The following WASHC4 variants were observed in gnomAD, a reference collection of about 807,000 sequenced individuals.
WASHC4 encodes WASH complex subunit 7.
Under a neutral mutation model 166.6 loss-of-function variants are expected in WASHC4, and 86 were observed. That is an observed-to-expected ratio of 0.52 (90% confidence interval 0.43 to 0.62). The LOEUF (loss-of-function observed/expected upper bound fraction) is 0.62, where lower values mean the gene tolerates loss of function less well. WASHC4 is among the 20% of genes least tolerant of loss of function. WASHC4 has a pLI of 0.00. For synonymous variants in WASHC4, 446 were observed against 451.6 expected (o/e 0.99, Z 0.16); for missense variants, 1,262 against 1,382.4 (o/e 0.91, Z 1.38).
chr12:105,125,869 C>A, intron 10 of WASHC4, 135 bp from the exon 11 acceptor site: 1 of 811,218 alleles, frequency 1.2e-6, no homozygotes, highest in South Asian at 1.7e-5. Context: ...GATTAAGAAC[C>A]TGAGCTTTAG....
At chr12:105,140,647 G>C (rs1410876522) in intron 16 of WASHC4, among the ~76,000 whole-genome samples, 2 of 152,116 alleles carry the variant, frequency 1.3e-5, no homozygotes, top group African/African-American at 4.8e-5. Flanking sequence ...TGAAATTGAT[G>C]CATCATTTAA....
intron 22 of WASHC4, among the ~76,000 whole-genome samples, chr12:105,145,920 T>C (rs1027739908): frequency 6.6e-6 from 1 of 152,058 alleles, no homozygotes; most frequent in Non-Finnish European, 1.5e-5. Context: ...CTTTCTAAAG[T>C]CCCAAGGCCC....
rs761132139 is a variant in WASHC4, at chr12:105,138,010, A to G, written c.1451A>G (p.Lys484Arg). 1 of 1,611,264 alleles carries G rather than the reference A, an allele frequency of 6.2e-7. No individual in the cohort carries two copies. Among genetic ancestry groups the G allele is most frequent in the Admixed American group, 1.7e-5 (1 of 59,710 alleles). ...TTGTGCAGGCTTGTTGAACTTCTCA[A>G]GGTAGGTTTTAGATTATTTTACTGC... ...KALCRLVELL[K>R]AIEHMFYRRS... Residue 484 changes from lysine to arginine, a missense_variant and splice_region_variant, in exon 15 of 33, where the codon AAG becomes AGG. Physicochemically the swap from Lys to Arg is conservative, Grantham distance 26. Coordinates refer to ENST00000332180, the MANE Select transcript of WASHC4 (RefSeq NM_015275.3).
chr12:105,116,459 A>G (rs532892089), intron 6 of WASHC4, among the ~76,000 whole-genome samples: 2 of 152,246 alleles, frequency 1.3e-5, no homozygotes, highest in African/African-American at 2.4e-5. Context: ...TCCTGTCTAG[A>G]AAACTCCATA....
intron 13 of WASHC4, among the ~76,000 whole-genome samples, chr12:105,130,070 A>G (rs2135760799): frequency 6.6e-6 from 1 of 152,292 alleles, no homozygotes; most frequent in South Asian, 2.1e-4. Context: ...AGATGAGAAA[A>G]CCCTACAGAG....
At chr12:105,155,658 T>A (rs1884100839) in intron 26 of WASHC4, among the ~76,000 whole-genome samples, 1 of 151,952 alleles carries the variant, frequency 6.6e-6, no homozygotes, top group Non-Finnish European at 1.5e-5. Flanking sequence ...CTGGCCAACA[T>A]GGTGAAACCC....
In WASHC4 at chr12:105,167,632, G is replaced by C. The variant is rs1171278083; in HGVS notation, c.*701G>C. The C allele has an allele frequency of 3.3e-5, 5 of 152,504 alleles. No homozygotes were observed. Among genetic ancestry groups the C allele is most frequent in the Admixed American group, 1.3e-4 (2 of 15,262 alleles). 9.4% of individuals were successfully genotyped at this position (152,504 alleles called of 1,614,324 possible). ...ATTTACTTAATACTCAGAAAATTCA[G>C]ATAAAGCCATAGAGTCCTGTTTGAA... On this transcript the variant is annotated 3_prime_UTR_variant, in exon 33 of 33. Transcript: ENST00000332180.
intron 8 of WASHC4, 61 bp from the exon 9 acceptor site, chr12:105,121,040 C>T: frequency 2.7e-6 from 3 of 1,100,312 alleles, no homozygotes; most frequent in Non-Finnish European, 4.2e-6. Context: ...CTTTAAACGT[C>T]TACATGAGGC....
chr12:105,145,138 CT>C (rs1180768768), intron 22 of WASHC4, among the ~76,000 whole-genome samples: 2 of 151,272 alleles, frequency 1.3e-5, no homozygotes, highest in Admixed American at 1.3e-4. Context: ...TTATATACAG[CT>C]TTTCAGAAAC....
At chr12:105,140,488 C>G (rs1055533252) in intron 16 of WASHC4, 87 bp downstream of exon 16, 41 of 967,366 alleles carry the variant, frequency 4.2e-5, no homozygotes, top group Non-Finnish European at 6.3e-5. Flanking sequence ...CTGGTTTAAC[C>G]TGTTTATTCC....
chr12:105,114,043 C>G (rs748292350), intron 2 of WASHC4, among the ~76,000 whole-genome samples, 173 bp from the exon 3 acceptor site: 9 of 151,592 alleles, frequency 5.9e-5, no homozygotes, highest in Non-Finnish European at 1.0e-4. Context: ...CCATTTCTTT[C>G]CTTACGTGTT....
In WASHC4 at chr12:105,169,085, G is replaced by A. The variant is rs2135854588; in HGVS notation, c.*2154G>A. ...TTTTCCTTTTCCCCCAATTCTAAGAGAATATAATGTGTATACTAAAACATT... is the reference window on the plus strand; with the variant it reads ...TTTTCCTTTTCCCCCAATTCTAAGAAAATATAATGTGTATACTAAAACATT... On this transcript the variant is annotated 3_prime_UTR_variant, in exon 33 of 33. Transcript: ENST00000332180. 6.6e-6 allele frequency: 1 copy of A among 152,580 alleles called. No individual in the cohort carries two copies. Among genetic ancestry groups the A allele is most frequent in the South Asian group, 2.1e-4 (1 of 4,822 alleles). The allele number at this position is 152,580 out of a possible 1,614,324, so 9.5% of individuals were successfully genotyped here.
At chr12:105,140,111 T>G (rs912627740) in intron 15 of WASHC4, among the ~76,000 whole-genome samples, 183 bp from the exon 16 acceptor site, 1 of 152,110 alleles carries the variant, frequency 6.6e-6, no homozygotes, top group Non-Finnish European at 1.5e-5. Flanking sequence ...GACCTGGTGA[T>G]CCACCTGCCT....
At chr12:105,149,800 G>A (rs755703737) in intron 25 of WASHC4, 51 bp downstream of exon 25, 1 of 1,513,930 alleles carries the variant, frequency 6.6e-7, no homozygotes, top group Admixed American at 2.0e-5. Context: ...TGAGTATATG[G>A]CAAATGTGTA....
At chr12:105,123,422 T>C (rs1592856329) in intron 10 of WASHC4, among the ~76,000 whole-genome samples, 1 of 152,202 alleles carries the variant, frequency 6.6e-6, no homozygotes, top group African/African-American at 2.4e-5. Context: ...TAAAATGCTG[T>C]GAACACACAG....
At chr12:105,122,069 TAAGAA>T (rs758648616) in intron 9 of WASHC4, 44 bp from the exon 10 acceptor site, 1 of 1,383,840 alleles carries the variant, frequency 7.2e-7, no homozygotes, top group Admixed American at 2.0e-5. Flanking sequence ...ATTTTTAATT[TAAGAA>T]TTTATTAGGT....
intron 30 of WASHC4, among the ~76,000 whole-genome samples, chr12:105,163,667 A>C (rs1369586991): frequency 6.6e-6 from 1 of 151,948 alleles, no homozygotes; most frequent in African/African-American, 2.4e-5. Flanking sequence ...ACATCTGGCT[A>C]ATTAAAAAAA....
chr12:105,132,871 A>G (rs1881984507), intron 13 of WASHC4, among the ~76,000 whole-genome samples: 1 of 150,894 alleles, frequency 6.6e-6, no homozygotes. Flanking sequence ...GTAAGCATTC[A>G]ATAACTATTA....
intron 16 of WASHC4, 92 bp from the exon 17 acceptor site, chr12:105,140,807 A>G (rs1882775025): frequency 1.6e-6 from 2 of 1,287,158 alleles, no homozygotes; most frequent in Non-Finnish European, 2.2e-6. Context: ...GCTCTCTTAA[A>G]TTGAATCATG....
Sources: gnomAD v4.1 joint callset for allele counts (sites outside exome capture counted in the v4.1 genomes callset) on GRCh38, gnomAD v4.1.1 for gene constraint, MANE v1.5 for transcripts, NCBI Gene and HGNC (gene_info 2026-07-23, HGNC 2026-07-21) for gene names.